The following LHX6 variants were observed in gnomAD, a reference collection of about 807,000 sequenced individuals.
LHX6 encodes LIM homeobox 6, also known as LIM/homeobox protein Lhx6.
LHX6 carries 15 observed loss-of-function variants against 47.1 expected under a neutral mutation model. The ratio of observed to expected loss-of-function variants is 0.32; its 90% confidence interval spans 0.21 to 0.49. The LOEUF is 0.49. LHX6 is among the 20% of genes least tolerant of loss of function. The probability of loss-of-function intolerance (pLI) is 0.99; values close to 1 mark genes in which losing one functional copy is unlikely to be tolerated. For synonymous variants in LHX6, 242 were observed against 233.5 expected, an observed-to-expected ratio of 1.04 and a Z score of -0.33; for missense variants, 404 against 539.6, an observed-to-expected ratio of 0.75 and a Z score of 2.49.
chr9:122,227,558 C>A (rs866091673), intron 1 of LHX6, 78 bp from the exon 2 acceptor site: 6 of 1,442,776 alleles, frequency 4.2e-6, no homozygotes, highest in Non-Finnish European at 5.4e-6. Context: ...AGCGCCTCCC[C>A]GCGCCTGTTA....
At chr9:122,216,577 C>A (rs545262771) in intron 5 of LHX6, among the ~76,000 whole-genome samples, 1 of 152,308 alleles carries the variant, frequency 6.6e-6, no homozygotes, top group South Asian at 2.1e-4. Context: ...AGGATGAAAA[C>A]CCTTCCTCAA....
rs1186993543 is a variant in LHX6, at chr9:122,228,396, C to T, written c.84+261G>A. 1.5e-5 allele frequency: 23 copies of T among 1,497,566 alleles called. No homozygotes were observed. In the East Asian group the frequency reaches 2.2e-4, roughly 15 times the overall value. 92.8% of individuals were successfully genotyped at this position (1,497,566 alleles called of 1,614,324 possible). On this transcript the variant is annotated intron_variant, in intron 1 of 9. Coordinates refer to ENST00000394319, the MANE Select transcript of LHX6 (RefSeq NM_014368.5). ...GCCTATTCAGACGGACAATACCGGC[C>T]TCGCCTCCTCTTGATTCGCCTGTGT...
chr9:122,208,409 C>T (rs898524082), intron 9 of LHX6, among the ~76,000 whole-genome samples: 1 of 152,214 alleles, frequency 6.6e-6, no homozygotes, highest in African/African-American at 2.4e-5. Context: ...CCTCCCCCTC[C>T]AGACTCTGGC....
chr9:122,223,931 G>C (rs554201778), intron 4 of LHX6, among the ~76,000 whole-genome samples: 1 of 152,302 alleles, frequency 6.6e-6, no homozygotes, highest in South Asian at 2.1e-4. Context: ...GAGAGACCCA[G>C]ACACCATTCT....
intron 8 of LHX6, among the ~76,000 whole-genome samples, chr9:122,212,802 A>G (rs1426023397): frequency 1.3e-5 from 2 of 152,104 alleles, no homozygotes; most frequent in Non-Finnish European, 2.9e-5. Flanking sequence ...CTGGAGTGCA[A>G]ACCCCAGGAG....
At chr9:122,221,513 G>T (rs1052585153) in intron 4 of LHX6, 13 of 985,566 alleles carry the variant, frequency 1.3e-5, no homozygotes, top group African/African-American at 3.5e-5. Flanking sequence ...GCATGAAGTC[G>T]TTTGGGCCTA....
chr9:122,204,370 T>A lies in LHX6; in HGVS notation c.*390A>T. ...TTCAGAGATGGTTCCAAGGAAGTAG[T>A]AAATAAAGGCCAATGTGGGGGAAAA... On this transcript the variant is annotated 3_prime_UTR_variant, in exon 10 of 10. Coordinates refer to ENST00000394319, the MANE Select transcript of LHX6 (RefSeq NM_014368.5). 3.6e-6 allele frequency: 1 copy of A among 281,522 alleles called. No individual in the cohort carries two copies. Among genetic ancestry groups the A allele is most frequent in the East Asian group, 5.9e-5 (1 of 16,946 alleles). 17.4% of individuals were successfully genotyped at this position (281,522 alleles called of 1,614,324 possible).
In LHX6 at chr9:122,226,923, G is replaced by C; in HGVS notation, c.264C>G (p.Ala88=). 1 of 1,559,684 alleles carries C rather than the reference G, an allele frequency of 6.4e-7. No homozygotes were observed. The change falls in exon 3 of 10, where the codon GCC becomes GCG. Residue 88 remains alanine, a synonymous_variant. Transcript: ENST00000394319. This position sits in a 1 kb window ranked among gnomAD's most constrained non-coding sequence, Gnocchi z 6.5. ...TPSVCSPPSA[A]SSVPSAGKNI... The stretch of plus-strand genomic sequence containing the variant: ...TCTTGCCTGCAGACGGCACGGAGGA[G>C]GCGGCAGAGGGCGGTGAGCAGACAG...
rs747365050 is a variant in LHX6 at position 122,213,801 on chromosome 9, G to A, written c.880-21C>T. 6.4e-7 allele frequency: 1 copy of A among 1,563,658 alleles called. No homozygotes were observed. Among genetic ancestry groups the A allele is most frequent in the Non-Finnish European group, 8.7e-7 (1 of 1,154,688 alleles). Reference sequence around the variant, plus strand: ...CACACCTGGAACGACAGCCTCGGCAGCCTCAGCCTCGAGGAAAAGAGTCGG... The same window carrying A: ...CACACCTGGAACGACAGCCTCGGCAACCTCAGCCTCGAGGAAAAGAGTCGG... On this transcript the variant is annotated intron_variant, in intron 7 of 9. Coordinates refer to ENST00000394319, the MANE Select transcript of LHX6 (RefSeq NM_014368.5). The surrounding 1 kb of genome is among the most constrained non-coding windows in gnomAD (Gnocchi z 5.5).
chr9:122,206,771 C>G (rs573910740), intron 9 of LHX6, among the ~76,000 whole-genome samples: 1 of 152,158 alleles, frequency 6.6e-6, no homozygotes, highest in Non-Finnish European at 1.5e-5. Flanking sequence ...GTCCAAGACC[C>G]TCTTTCCATG....
intron 9 of LHX6, among the ~76,000 whole-genome samples, chr9:122,207,449 G>C (rs1257530441): frequency 6.6e-6 from 1 of 152,168 alleles, no homozygotes; most frequent in Non-Finnish European, 1.5e-5. Context: ...CAATGAGAAG[G>C]CCATCTCTAT....
Position 122,213,965 on chromosome 9 carries a change from C to A in LHX6, c.879+9G>T. ...CGCGGTCCCCAGGCCCCGCCCACCCCCGTCCCACCTGGATGACTCTCCGGC... is the reference window on the plus strand; with the variant it reads ...CGCGGTCCCCAGGCCCCGCCCACCCACGTCCCACCTGGATGACTCTCCGGC... On this transcript the variant is annotated intron_variant, in intron 7 of 9. Coordinates refer to ENST00000394319, the MANE Select transcript of LHX6 (RefSeq NM_014368.5). The surrounding 1 kb of genome is among the most constrained non-coding windows in gnomAD (Gnocchi z 5.5). 1 of 1,581,352 alleles carries A rather than the reference C, an allele frequency of 6.3e-7. No homozygotes were observed. The highest frequency in any genetic ancestry group is 8.6e-7 in the Non-Finnish European group (1 of 1,162,710).
intron 5 of LHX6, among the ~76,000 whole-genome samples, chr9:122,216,517 CCA>C (rs1195801435): frequency 6.6e-6 from 1 of 152,220 alleles, no homozygotes; most frequent in African/African-American, 2.4e-5. Flanking sequence ...AGCCTGGTCT[CCA>C]GACTCAGAAA....
At chr9:122,221,588 G>A in intron 4 of LHX6, 6 of 985,692 alleles carry the variant, frequency 6.1e-6, no homozygotes, top group South Asian at 4.7e-5. Flanking sequence ...AACACGAGGG[G>A]AAGCAGTTAA....
chr9:122,214,354 G>A lies in LHX6; in HGVS notation c.712C>T (p.Pro238Ser). 2 of 1,583,466 alleles carry A rather than the reference G, an allele frequency of 1.3e-6. No homozygotes were observed. The highest frequency in any genetic ancestry group is 8.6e-7 in the Non-Finnish European group (1 of 1,168,830). The change falls in exon 6 of 10, where the codon CCC becomes TCC. Residue 238 changes from proline (P) to serine (S), a missense_variant. Physicochemically the swap from Pro to Ser is moderately conservative, Grantham distance 74. Coordinates refer to ENST00000394319, the MANE Select transcript of LHX6 (RefSeq NM_014368.5). This position sits in a 1 kb window ranked among gnomAD's most constrained non-coding sequence, Gnocchi z 4.6. ...TTGGGTTGACTGTCCTGTTCCGAGG[G>A]CACTGCCCCCTCCAACGTGAGGCCG... ...GNGLTLEGAV[P>S]SEQDSQPKPA... is the part of the protein sequence containing the mutation.
At chr9:122,208,692 G>A (rs1047016751) in intron 9 of LHX6, among the ~76,000 whole-genome samples, 2 of 152,010 alleles carry the variant, frequency 1.3e-5, no homozygotes, top group Middle Eastern at 3.2e-3. Flanking sequence ...AAATTAGCTG[G>A]GCATGGTGGT....
chr9:122,209,525 G>C, intron 9 of LHX6, 89 bp downstream of exon 9: 1 of 1,580,424 alleles, frequency 6.3e-7, no homozygotes, highest in Non-Finnish European at 8.6e-7. Flanking sequence ...AGCGCAGCAT[G>C]GTACCAAATG....
Position 122,204,612 on chromosome 9 carries a change from T to G in LHX6, c.*148A>C. On this transcript the variant is annotated 3_prime_UTR_variant, in exon 10 of 10. Transcript: ENST00000394319. ...CAGCAGGAGAGGGAAAGGCCAGGCC[T>G]CGGGAACCGACCTGGTGGTGGGCAG... The G allele has an allele frequency of 1.1e-6, 1 of 893,224 alleles. No individual in the cohort carries two copies. The highest frequency in any genetic ancestry group is 1.7e-6 in the Non-Finnish European group (1 of 596,444). The allele number at this position is 893,224 out of a possible 1,614,324, so 55.3% of individuals were successfully genotyped here.
chr9:122,226,531 C>A lies in LHX6; in HGVS notation c.340-34G>T, dbSNP rs1336664886. 4 of 1,601,856 alleles carry A rather than the reference C, an allele frequency of 2.5e-6. No individual in the cohort carries two copies. The highest frequency in any genetic ancestry group is 3.4e-6 in the Non-Finnish European group (4 of 1,176,516). ...GGGGCGGGGACGGAGGTCGGCTCAG[C>A]GCGGGCCTCTTTCACTCCGGGCCCC... On this transcript the variant is annotated intron_variant, in intron 3 of 9. Coordinates refer to ENST00000394319, the MANE Select transcript of LHX6 (RefSeq NM_014368.5). This position sits in a 1 kb window ranked among gnomAD's most constrained non-coding sequence, Gnocchi z 6.5.
Sources: allele counts gnomAD v4.1 joint callset (sites outside exome capture counted in the v4.1 genomes callset), GRCh38; gene constraint gnomAD v4.1.1; non-coding constraint Gnocchi (gnomAD v3.1); transcripts MANE v1.5; gene names NCBI Gene and HGNC (gene_info 2026-07-23, HGNC 2026-07-21).